The following LARGE1 variants were observed in gnomAD, a reference collection of about 807,000 sequenced individuals.
LARGE1 encodes the protein xylosyl- and glucuronyltransferase LARGE1.
LARGE1 carries 43 observed loss-of-function variants against 87.6 expected under a neutral mutation model. The observed-to-expected ratio is 0.49, with a 90% CI of 0.38 to 0.63. The LOEUF (loss-of-function observed/expected upper bound fraction) is 0.63, where lower values mean the gene tolerates loss of function less well. Among genes scored for constraint, LARGE1 ranks in the 30% least tolerant of loss-of-function variants. The pLI is 0.00. For missense variants in LARGE1, 802 were observed against 1,000.2 expected, an observed-to-expected ratio of 0.80 and a Z score of 2.67; for synonymous variants, 434 against 394.6, an observed-to-expected ratio of 1.10 and a Z score of -1.18.
At chr22:33,278,423 A>C (rs1929749829) in intron 13 of LARGE1, among the ~76,000 whole-genome samples, 1 of 152,188 alleles carries the variant, frequency 6.6e-6, no homozygotes, top group South Asian at 2.1e-4. Context: ...AATTTGTTTC[A>C]AGCTGCTATG....
chr22:33,671,295 C>T (rs1012574036), intron 2 of LARGE1, among the ~76,000 whole-genome samples: 1 of 152,322 alleles, frequency 6.6e-6, no homozygotes, highest in Non-Finnish European at 1.5e-5. Context: ...ATGCAGATAC[C>T]ACACTGCTGA....
intron 6 of LARGE1, among the ~76,000 whole-genome samples, chr22:33,505,544 A>G (rs1415817309): frequency 1.3e-5 from 2 of 152,122 alleles, no homozygotes; most frequent in South Asian, 2.1e-4. Flanking sequence ...GGGAAGAGAG[A>G]TTTATTCTGC....
chr22:33,371,846 T>C (rs912990862), intron 9 of LARGE1, among the ~76,000 whole-genome samples: 2 of 152,004 alleles, frequency 1.3e-5, no homozygotes, highest in Admixed American at 6.6e-5. Context: ...TAGCCGGGCA[T>C]GGTGGCGGGC....
chr22:33,135,157 A>G, the LARGE1 span, among the ~76,000 whole-genome samples: 3 of 152,350 alleles, frequency 2.0e-5, no homozygotes, highest in African/African-American at 7.2e-5. Context: ...ACTGTAGAAC[A>G]GGCCTGCAGA....
intron 6 of LARGE1, among the ~76,000 whole-genome samples, chr22:33,547,793 CAAAAAAAAAAAA>C (rs57220257): frequency 5.6e-5 from 2 of 35,726 alleles, no homozygotes; most frequent in Non-Finnish European, 9.2e-5. Flanking sequence ...GACTCCATCT[CAAAAAAAAAAAA>C]AAAAAAAAAA....
chr22:33,357,344 C>T (rs922894643), intron 9 of LARGE1, among the ~76,000 whole-genome samples: 1 of 149,248 alleles, frequency 6.7e-6, no homozygotes, highest in African/African-American at 2.5e-5. Flanking sequence ...ACATTGGAGA[C>T]TCTGAAGGCT....
In LARGE1 at chr22:33,650,425, C is replaced by T; in HGVS notation, c.350G>A (p.Gly117Asp). Residue 117 changes from glycine to aspartate, a missense_variant, in exon 3 of 15, where the codon GGC (glycine) becomes GAC (aspartate). Coordinates refer to ENST00000397394, the MANE Select transcript of LARGE1 (RefSeq NM_133642.5). Reference protein sequence around the residue: ...GTGDSENLRAGIVAGNSSECG... With the variant: ...GTGDSENLRADIVAGNSSECG... ...CTCGGAGCTGTTGCCTGCCACGATG[C>T]CAGCCCGAAGGTTCTCGCTGTCTCC... The T allele has an allele frequency of 6.2e-7, 1 of 1,614,152 alleles. No homozygotes were observed. The highest frequency in any genetic ancestry group is 8.5e-7 in the Non-Finnish European group (1 of 1,180,048).
chr22:33,783,251 C>A lies in LARGE1; in HGVS notation c.-82-21693G>T, dbSNP rs2085484321. Reference sequence around the variant, plus strand: ...TTTCTTCAGAAAAAAAAAAAATTTGCAAGAGCAGTTTGAGATTATAGCCAA... The same window carrying A: ...TTTCTTCAGAAAAAAAAAAAATTTGAAAGAGCAGTTTGAGATTATAGCCAA... On this transcript the variant is annotated intron_variant, in intron 1 of 14. Transcript: ENST00000397394. 2.0e-5 allele frequency among the ~76,000 whole-genome samples: 3 copies of A among 151,942 alleles called. 1 individual carries two copies. The South Asian group carries it at 6.2e-4, about 32-fold the overall frequency.
intron 7 of LARGE1, among the ~76,000 whole-genome samples, chr22:33,423,845 C>T (rs2066780741): frequency 6.6e-6 from 1 of 151,904 alleles, no homozygotes; most frequent in African/African-American, 2.4e-5. Context: ...TGTGGATACC[C>T]TAATATGAAA....
Position 33,425,186 on chromosome 22 carries a change from C to T in LARGE1, c.892+6975G>A, listed in dbSNP as rs377005375. On this transcript the variant is annotated intron_variant, in intron 7 of 14. Transcript: ENST00000397394. ...CTGAGGCAGGAGAATCGCTTGAACC[C>T]GGGAGGTGGAGGTTGCAGTGAGCCG... is the stretch of plus-strand genomic sequence containing the variant. Among the ~76,000 whole-genome samples, 16 of 152,090 alleles carry T rather than the reference C, an allele frequency of 1.1e-4. No homozygotes were observed. The East Asian group carries it at 2.9e-3, about 28-fold the overall frequency.
chr22:33,700,526 G>C (rs754326198), intron 2 of LARGE1, among the ~76,000 whole-genome samples: 7 of 152,156 alleles, frequency 4.6e-5, no homozygotes, highest in Non-Finnish European at 1.0e-4. Flanking sequence ...ACTATGCTCT[G>C]TTCAAGGAAA....
chr22:33,375,055 A>T (rs934083872), intron 9 of LARGE1, among the ~76,000 whole-genome samples: 1 of 152,202 alleles, frequency 6.6e-6, no homozygotes, highest in Non-Finnish European at 1.5e-5. Flanking sequence ...AACTCCAATG[A>T]AGAAACATGA....
At chr22:33,342,420 T>C (rs989416999) in intron 9 of LARGE1, among the ~76,000 whole-genome samples, 5 of 152,176 alleles carry the variant, frequency 3.3e-5, no homozygotes, top group African/African-American at 1.2e-4. Flanking sequence ...AACAAGCCCA[T>C]TTGAATCCCA....
intron 7 of LARGE1, 23 bp from the exon 8 acceptor site, chr22:33,384,327 A>G: frequency 7.7e-6 from 12 of 1,557,446 alleles, no homozygotes; most frequent in Non-Finnish European, 1.1e-5. Flanking sequence ...ACAGGATAAA[A>G]GAGAAAATTA....
In LARGE1 at chr22:33,202,800, C is replaced by T. The variant is rs150286945; in HGVS notation, c.1731-35968G>A. ...GTTGAACCCAAGAGCCAGAGACCTG[C>T]TGATTTTTCTGGAAAAATGGCTGTC... is the stretch of plus-strand genomic sequence containing the variant. On this transcript the variant is annotated intron_variant, in intron 11 of 11. Transcript: ENST00000608642. 2.5e-3 allele frequency among the ~76,000 whole-genome samples: 376 copies of T among 152,222 alleles called. 3 individuals carry two copies. Among genetic ancestry groups the T allele is most frequent in the African/African-American group, 8.3e-3 (344 of 41,536 alleles).
At position 33,233,409 on chromosome 22, in the gene LARGE1, A is replaced by G. The variant is rs146918969; in HGVS notation, c.1731-66577T>C. The stretch of plus-strand genomic sequence containing the variant: ...AACCTTTATATGTGACATGTGTCCT[A>G]TGTCTACAGGTGTCATATGTTTCCT... On this transcript the variant is annotated intron_variant, in intron 11 of 11. Transcript: ENST00000608642. Among the ~76,000 whole-genome samples, 236 of 152,288 alleles carry G rather than the reference A, an allele frequency of 1.5e-3. 1 individual carries two copies. The highest frequency in any genetic ancestry group is 5.5e-3 in the African/African-American group (230 of 41,556).
At chr22:33,690,883 C>T (rs1000008628) in intron 2 of LARGE1, among the ~76,000 whole-genome samples, 2 of 152,268 alleles carry the variant, frequency 1.3e-5, no homozygotes, top group African/African-American at 2.4e-5. Flanking sequence ...TGGCTCCATC[C>T]ATCACCCTCC....
chr22:33,335,328 C>A (rs1015053302), intron 10 of LARGE1, among the ~76,000 whole-genome samples: 1 of 151,994 alleles, frequency 6.6e-6, no homozygotes, highest in African/African-American at 2.4e-5. Context: ...TCACTAGATG[C>A]GAAGGAGGGC....
At chr22:33,677,437 G>A (rs939502189) in intron 2 of LARGE1, among the ~76,000 whole-genome samples, 3 of 151,972 alleles carry the variant, frequency 2.0e-5, no homozygotes, top group Non-Finnish European at 4.4e-5. Flanking sequence ...TGGAAATTAC[G>A]ACAGTTATCT....
Sources: allele counts gnomAD v4.1 joint callset (sites outside exome capture counted in the v4.1 genomes callset), GRCh38; gene constraint gnomAD v4.1.1; transcripts MANE v1.5; gene names NCBI Gene and HGNC (gene_info 2026-07-23, HGNC 2026-07-21).